FAM83B: variants seen among roughly 807,000 people sequenced by gnomAD.
The protein encoded by FAM83B is protein FAM83B.
In FAM83B, 26 loss-of-function variants were observed where a neutral mutation model predicts 38.8. The ratio of observed to expected loss-of-function variants is 0.67; its 90% CI spans 0.49 to 0.93. The LOEUF (loss-of-function observed/expected upper bound fraction) is 0.93. Among genes scored for constraint, FAM83B ranks in the 40% least tolerant of loss-of-function variants. The pLI, the probability that FAM83B is intolerant of heterozygous loss-of-function variation, is 0.00. For missense variants in FAM83B, 1,237 were observed against 1,197.3 expected (o/e 1.03, Z -0.49); for synonymous variants, 419 against 423.1 (o/e 0.99, Z 0.12).
chr6:54,846,636 C>G (rs1331092858), upstream of FAM83B: 4 of 152,294 alleles, frequency 2.6e-5, no homozygotes, highest in African/African-American at 4.8e-5. Context: ...ACTCCCGCCC[C>G]CTCCAGCGCT....
intron 1 of FAM83B, among the ~76,000 whole-genome samples, chr6:54,858,561 A>G (rs1771499817): frequency 6.6e-6 from 1 of 152,212 alleles, no homozygotes; most frequent in Non-Finnish European, 1.5e-5. Context: ...TTATTTAAAC[A>G]GCCAATTAAT....
chr6:54,865,330 T>TGAA (rs1341082959), intron 1 of FAM83B, among the ~76,000 whole-genome samples: 1 of 152,226 alleles, frequency 6.6e-6, no homozygotes, highest in African/African-American at 2.4e-5. Flanking sequence ...CGTGCAGTTC[T>TGAA]GCCTTTGTGT....
rs764001837 is a variant in FAM83B at position 54,939,884 on chromosome 6, A to C, written c.913A>C (p.Thr305Pro). 2.5e-6 allele frequency: 4 copies of C among 1,614,046 alleles called. No homozygotes were observed. In the South Asian group the frequency reaches 4.4e-5, roughly 18 times the overall value. ...KHGKALWENG[T>P]YQHSVSSLAS... ...TGGAAAAGCCCTCTGGGAAAATGGCACTTACCAGCATTCGGTGTCTTCATT... is the reference window on the plus strand; with the variant it reads ...TGGAAAAGCCCTCTGGGAAAATGGCCCTTACCAGCATTCGGTGTCTTCATT... Residue 305 changes from threonine (T) to proline (P), a missense_variant, in exon 5 of 5, where the codon ACT becomes CCT. Thr to Pro is a conservative substitution (Grantham distance 38, BLOSUM62 -1). Coordinates refer to ENST00000306858, the MANE Select transcript of FAM83B (RefSeq NM_001010872.3).
intron 2 of FAM83B, among the ~76,000 whole-genome samples, chr6:54,917,347 A>G (rs1363284239): frequency 6.6e-6 from 1 of 152,194 alleles, no homozygotes; most frequent in Non-Finnish European, 1.5e-5. Flanking sequence ...GAAAGATCAG[A>G]TATGTTTTAG....
In FAM83B at chr6:54,944,567, T is replaced by C. The variant is rs1773763915; in HGVS notation, c.*2560T>C. On this transcript the variant is annotated 3_prime_UTR_variant, in exon 5 of 5. Coordinates refer to ENST00000306858, the MANE Select transcript of FAM83B (RefSeq NM_001010872.3). ...TGGGTATATGTTGTCAGTCTACACT[T>C]GTGGAAGCAAATATCTTGTTTAATC... 6.6e-6 allele frequency: 1 copy of C among 152,184 alleles called. No homozygotes were observed. Among genetic ancestry groups the C allele is most frequent in the African/African-American group, 2.4e-5 (1 of 41,432 alleles). 9.4% of individuals were successfully genotyped at this position (152,184 alleles called of 1,614,324 possible).
At chr6:54,918,971 G>T (rs746975706) in intron 2 of FAM83B, among the ~76,000 whole-genome samples, 1 of 152,000 alleles carries the variant, frequency 6.6e-6, no homozygotes, top group Non-Finnish European at 1.5e-5. Context: ...GGGGTCTTGA[G>T]CTCATTTTTC....
intron 2 of FAM83B, among the ~76,000 whole-genome samples, chr6:54,880,160 C>T (rs1460130294): frequency 6.6e-6 from 1 of 152,096 alleles, no homozygotes; most frequent in Non-Finnish European, 1.5e-5. Context: ...GGGGAAAAGC[C>T]CACTTCAAGT....
intron 2 of FAM83B, among the ~76,000 whole-genome samples, chr6:54,918,625 G>T (rs941987734): frequency 6.6e-6 from 1 of 152,000 alleles, no homozygotes; most frequent in Non-Finnish European, 1.5e-5. Flanking sequence ...AGAACAGCAT[G>T]GAGGTAACCA....
chr6:54,857,564 C>T (rs899466509), intron 1 of FAM83B, among the ~76,000 whole-genome samples: 1 of 151,900 alleles, frequency 6.6e-6, no homozygotes, highest in Non-Finnish European at 1.5e-5. Context: ...ATAATTATAC[C>T]GTGAGGGCAG....
At chr6:54,904,459 A>T (rs1192159885) in intron 2 of FAM83B, among the ~76,000 whole-genome samples, 29 of 152,134 alleles carry the variant, frequency 1.9e-4, no homozygotes, top group Admixed American at 1.8e-3. Flanking sequence ...TTTCTAAGAC[A>T]ATTTAAGGAA....
At chr6:54,912,754 T>G (rs1251163578) in intron 2 of FAM83B, among the ~76,000 whole-genome samples, 1 of 152,010 alleles carries the variant, frequency 6.6e-6, no homozygotes, top group Non-Finnish European at 1.5e-5. Context: ...AACAAATGTT[T>G]TCTACCACCA....
intron 2 of FAM83B, among the ~76,000 whole-genome samples, chr6:54,920,749 A>G (rs149039935): frequency 1.3e-5 from 2 of 152,020 alleles, no homozygotes; most frequent in East Asian, 3.9e-4. Context: ...TTATTAAATT[A>G]CAATAAAAAT....
At chr6:54,886,211 T>C (rs1192324195) in intron 2 of FAM83B, among the ~76,000 whole-genome samples, 2 of 152,110 alleles carry the variant, frequency 1.3e-5, no homozygotes, top group African/African-American at 4.8e-5. Context: ...AATTTTGTGT[T>C]TATGTTCAGA....
intron 2 of FAM83B, among the ~76,000 whole-genome samples, chr6:54,924,186 TATAC>T (rs1188990536): frequency 1.1e-5 from 1 of 94,552 alleles, no homozygotes; most frequent in Non-Finnish European, 2.0e-5. Context: ...AGTATTCATT[TATAC>T]ACACACACAC....
intron 2 of FAM83B, among the ~76,000 whole-genome samples, chr6:54,908,818 A>G (rs987662018): frequency 6.6e-6 from 1 of 152,140 alleles, no homozygotes; most frequent in African/African-American, 2.4e-5. Context: ...TCTGTGATCA[A>G]TTTGGATTCT....
At chr6:54,924,343 C>A (rs1334781794) in intron 2 of FAM83B, among the ~76,000 whole-genome samples, 1 of 151,694 alleles carries the variant, frequency 6.6e-6, no homozygotes, top group Non-Finnish European at 1.5e-5. Flanking sequence ...AGTACAACTT[C>A]TTTTGATTCA....
intron 2 of FAM83B, among the ~76,000 whole-genome samples, chr6:54,908,236 C>T (rs552825139): frequency 8.6e-5 from 13 of 151,242 alleles, no homozygotes; most frequent in African/African-American, 2.9e-4. Flanking sequence ...CGTTCACTCT[C>T]AAACTCCTTA....
intron 2 of FAM83B, among the ~76,000 whole-genome samples, chr6:54,915,444 G>A (rs1029170876): frequency 6.6e-5 from 10 of 151,858 alleles, no homozygotes; most frequent in East Asian, 1.9e-4. Flanking sequence ...TCCTGCTTTC[G>A]CCATCCACGT....
At chr6:54,883,289 A>G (rs1458408946) in intron 2 of FAM83B, among the ~76,000 whole-genome samples, 1 of 130,814 alleles carries the variant, frequency 7.6e-6, no homozygotes, top group Non-Finnish European at 1.7e-5. Context: ...TATATTCTTC[A>G]TTTTCTCATA....
Sources: gnomAD v4.1 joint callset for allele counts (sites outside exome capture counted in the v4.1 genomes callset) on GRCh38, gnomAD v4.1.1 for gene constraint, MANE v1.5 for transcripts, NCBI Gene and HGNC (gene_info 2026-07-23, HGNC 2026-07-21) for gene names.